The following SLC44A5 variants were observed in gnomAD, a reference collection of about 807,000 sequenced individuals.
SLC44A5 encodes the protein choline transporter-like protein 5.
SLC44A5 carries 57 observed loss-of-function variants against 101.8 expected under a neutral mutation model. The ratio of observed to expected loss-of-function variants is 0.56; its 90% CI spans 0.45 to 0.70. SLC44A5 has a LOEUF of 0.70. SLC44A5 is among the 30% of genes least tolerant of loss of function. The pLI is 0.00. For missense variants in SLC44A5, 737 were observed against 853.1 expected (o/e 0.86, Z 1.70); for synonymous variants, 281 against 290.9 (o/e 0.97, Z 0.35).
At chr1:75,666,661 A>G in the SLC44A5 span, among the ~76,000 whole-genome samples, 15 of 152,276 alleles carry the variant, frequency 9.9e-5, no homozygotes, top group East Asian at 2.9e-3. Flanking sequence ...GGCCAATATC[A>G]CTGATGAACA....
chr1:75,552,286 A>C (rs1425976272), intron 1 of SLC44A5, among the ~76,000 whole-genome samples: 1 of 152,082 alleles, frequency 6.6e-6, no homozygotes, highest in Non-Finnish European at 1.5e-5. Flanking sequence ...CTAAATTCTC[A>C]GCACTTAGCA....
chr1:75,436,273 G>A (rs1431631639), intron 2 of SLC44A5, among the ~76,000 whole-genome samples: 1 of 152,050 alleles, frequency 6.6e-6, no homozygotes, highest in Non-Finnish European at 1.5e-5. Flanking sequence ...AAGTAATAGG[G>A]TAAATGTGGC....
At chr1:75,664,432 G>C in the SLC44A5 span, among the ~76,000 whole-genome samples, 1 of 151,978 alleles carries the variant, frequency 6.6e-6, no homozygotes, top group Admixed American at 6.6e-5. Context: ...AAACCAAAAG[G>C]CTCCTGGAAC....
intron 2 of SLC44A5, among the ~76,000 whole-genome samples, chr1:75,403,261 G>A (rs914463520): frequency 5.9e-5 from 9 of 152,194 alleles, no homozygotes; most frequent in South Asian, 2.1e-4. Context: ...AGGCAGCTGC[G>A]GGCGCAGCTT....
chr1:75,511,904 CAT>C (rs1669589058), intron 2 of SLC44A5, among the ~76,000 whole-genome samples: 1 of 152,146 alleles, frequency 6.6e-6, no homozygotes, highest in Admixed American at 6.6e-5. Context: ...TAAAGAAACT[CAT>C]ATTATAATCT....
chr1:75,398,417 A>C, intron 2 of SLC44A5: 1 of 984,948 alleles, frequency 1.0e-6, no homozygotes, highest in Non-Finnish European at 1.2e-6. Flanking sequence ...CAGTAATCTC[A>C]GACCCTGCCA....
At chr1:75,718,257 A>G in the SLC44A5 span, among the ~76,000 whole-genome samples, 1 of 152,200 alleles carries the variant, frequency 6.6e-6, no homozygotes, top group Non-Finnish European at 1.5e-5. Flanking sequence ...GACATGCTAA[A>G]TGGGAGCCAG....
In SLC44A5 at chr1:75,347,103, G is replaced by A. The variant is rs181012204; in HGVS notation, c.53-7473C>T. Among the ~76,000 whole-genome samples the A allele has an allele frequency of 4.2e-3, 639 of 152,230 alleles. 10 individuals carry two copies. The South Asian group carries it at 0.047, about 11-fold the overall frequency. ...GGGGAAAATTGTCTTTAAAGTTATA[G>A]CCAAGTAAAAGACTTTCTATTAAAC... is the stretch of plus-strand genomic sequence containing the variant. On this transcript the variant is annotated intron_variant, in intron 3 of 23. Transcript: ENST00000370859.
chr1:75,339,399 C>T (rs1657695039), intron 4 of SLC44A5, among the ~76,000 whole-genome samples, 183 bp downstream of exon 4: 2 of 152,122 alleles, frequency 1.3e-5, no homozygotes, highest in African/African-American at 4.8e-5. Context: ...ATTCATGACT[C>T]ATGGAAAGAT....
At chr1:75,709,476 T>C in the SLC44A5 span, among the ~76,000 whole-genome samples, 1 of 152,228 alleles carries the variant, frequency 6.6e-6, no homozygotes, top group Non-Finnish European at 1.5e-5. Context: ...AATTTTTAAC[T>C]ATCTGAAGCT....
the SLC44A5 span, among the ~76,000 whole-genome samples, chr1:75,619,070 C>CA: frequency 0.034 from 414 of 12,154 alleles, 1 homozygote; most frequent in Non-Finnish European, 0.057. Context: ...AACTCTGTCT[C>CA]AAAAAAAAAG....
chr1:75,271,127 CAATGAGGAGTCAACTAGTCCCCTATA>C (rs1425218523), intron 6 of SLC44A5, among the ~76,000 whole-genome samples: 1 of 151,988 alleles, frequency 6.6e-6, no homozygotes, highest in East Asian at 1.9e-4. Context: ...CTCTAACAGG[CAATGAGGAGTCAACTAGTCCCCTATA>C]AATTTACCCT....
At chr1:75,214,717 A>G (rs766964716) in intron 19 of SLC44A5, 39 bp from the exon 20 acceptor site, 3 of 1,509,284 alleles carry the variant, frequency 2.0e-6, no homozygotes, top group African/African-American at 2.8e-5. Flanking sequence ...AGCCAGTAAC[A>G]TACTCTAACA....
chr1:75,393,314 A>C (rs1661915785), intron 3 of SLC44A5, among the ~76,000 whole-genome samples: 1 of 152,218 alleles, frequency 6.6e-6, no homozygotes, highest in East Asian at 1.9e-4. Context: ...GATTATTATG[A>C]AACAAGTATT....
the SLC44A5 span, among the ~76,000 whole-genome samples, chr1:75,711,455 T>G: frequency 6.6e-6 from 1 of 152,308 alleles, no homozygotes; most frequent in East Asian, 1.9e-4. Context: ...AAAAAATAGT[T>G]TTATTCAGAA....
At chr1:75,514,335 G>A (rs1669715226) in intron 2 of SLC44A5, among the ~76,000 whole-genome samples, 1 of 152,104 alleles carries the variant, frequency 6.6e-6, no homozygotes, top group African/African-American at 2.4e-5. Context: ...ACATTTGTCT[G>A]TCACACCAAA....
At chr1:75,364,333 GT>G (rs1659707393) in intron 3 of SLC44A5, among the ~76,000 whole-genome samples, 1 of 152,166 alleles carries the variant, frequency 6.6e-6, no homozygotes, top group Non-Finnish European at 1.5e-5. Flanking sequence ...TAAAACCATG[GT>G]GGAAGGTGAA....
At chr1:75,405,545 A>C (rs933585085) in intron 2 of SLC44A5, among the ~76,000 whole-genome samples, 1 of 152,242 alleles carries the variant, frequency 6.6e-6, no homozygotes, top group Non-Finnish European at 1.5e-5. Context: ...ACTCAGGATT[A>C]AGAAACTCAC....
chr1:75,375,351 T>C (rs981523649), intron 3 of SLC44A5, among the ~76,000 whole-genome samples: 1 of 152,152 alleles, frequency 6.6e-6, no homozygotes, highest in African/African-American at 2.4e-5. Context: ...CTAGAGACTA[T>C]ACGTGTGACT....
Sources: allele counts gnomAD v4.1 joint callset (sites outside exome capture counted in the v4.1 genomes callset), GRCh38; gene constraint gnomAD v4.1.1; transcripts MANE v1.5; gene names NCBI Gene and HGNC (gene_info 2026-07-23, HGNC 2026-07-21).